AGAP1: variants seen among roughly 807,000 people sequenced by gnomAD.
AGAP1 encodes ArfGAP with GTPase domain, ankyrin repeat and PH domain 1.
AGAP1 carries 29 observed loss-of-function variants against 105.3 expected under a neutral mutation model. That is an observed-to-expected ratio of 0.28 (90% CI 0.21 to 0.38). The LOEUF is 0.38. Among genes scored for constraint, AGAP1 ranks in the 10% least tolerant of loss-of-function variants. AGAP1 has a pLI of 1.00. For missense variants in AGAP1, 998 were observed against 1,165.1 expected (o/e 0.86, Z 2.09); for synonymous variants, 509 against 485.9 (o/e 1.05, Z -0.63).
intron 9 of AGAP1, among the ~76,000 whole-genome samples, chr2:235,832,830 A>T (rs1485529727): frequency 6.6e-6 from 1 of 152,208 alleles, no homozygotes; most frequent in East Asian, 1.9e-4. Context: ...CCCAGATCCC[A>T]TGGATCAATA....
intron 9 of AGAP1, among the ~76,000 whole-genome samples, chr2:235,833,817 A>G (rs1959761968): frequency 6.6e-6 from 1 of 150,542 alleles, no homozygotes; most frequent in Non-Finnish European, 1.5e-5. Context: ...GTTCTATGAA[A>G]TGATCCTAAG....
Position 235,804,145 on chromosome 2 carries a change from C to G in AGAP1, c.958-3094C>G, listed in dbSNP as rs540062210. On this transcript the variant is annotated intron_variant, in intron 8 of 17. Transcript: ENST00000304032. Reference sequence around the variant, plus strand: ...CATGTGCCTCCAGAACACGTTTCTCCTGCCTGTCTGCCTAGGGATCAGCAT... The same window carrying G: ...CATGTGCCTCCAGAACACGTTTCTCGTGCCTGTCTGCCTAGGGATCAGCAT... Among the ~76,000 whole-genome samples the G allele has an allele frequency of 6.0e-4, 92 of 152,314 alleles. 1 individual carries two copies. The highest frequency in any genetic ancestry group is 2.1e-3 in the African/African-American group (89 of 41,572).
chr2:235,671,176 T>G, intron 1 of AGAP1: 1 of 1,120,610 alleles, frequency 8.9e-7, no homozygotes, highest in Non-Finnish European at 1.1e-6. Flanking sequence ...CCTCGAGGGA[T>G]GCGAACTCGG....
intron 6 of AGAP1, among the ~76,000 whole-genome samples, chr2:235,770,687 C>T (rs1955374633): frequency 6.7e-6 from 1 of 149,734 alleles, no homozygotes; most frequent in South Asian, 2.1e-4. Flanking sequence ...ATTTAAACTG[C>T]TTAGAAAAGC....
rs1049825901 is a variant in AGAP1, at chr2:235,877,556, T to G, written c.1051-5789T>G. On this transcript the variant is annotated intron_variant, in intron 9 of 17. Coordinates refer to ENST00000304032, the MANE Select transcript of AGAP1 (RefSeq NM_001037131.3). This position sits in a 1 kb window ranked among gnomAD's most constrained non-coding sequence, Gnocchi z 4.3. The stretch of plus-strand genomic sequence containing the variant: ...TTAACTTGTTCTCAGAGTGAGTGAT[T>G]TACATGTTGCGTCTCCCTCAGCGCT... 6.6e-6 allele frequency among the ~76,000 whole-genome samples: 1 copy of G among 152,090 alleles called. No individual in the cohort carries two copies. The highest frequency in any genetic ancestry group is 1.9e-4 in the East Asian group (1 of 5,176).
At chr2:236,063,520 C>A (rs2058263697) in intron 16 of AGAP1, among the ~76,000 whole-genome samples, 1 of 152,186 alleles carries the variant, frequency 6.6e-6, no homozygotes, top group Admixed American at 6.5e-5. Flanking sequence ...AAAGGTAATT[C>A]CAGTTGTAAA....
intron 12 of AGAP1, among the ~76,000 whole-genome samples, chr2:235,935,052 T>C (rs1169398703): frequency 1.3e-5 from 2 of 152,098 alleles, no homozygotes; most frequent in African/African-American, 4.8e-5. Context: ...AAACAGGAGG[T>C]GCTGCTTAAA....
At chr2:235,924,455 T>C (rs568664682) in intron 11 of AGAP1, among the ~76,000 whole-genome samples, 2 of 152,300 alleles carry the variant, frequency 1.3e-5, no homozygotes, top group Admixed American at 1.3e-4. Flanking sequence ...CCCAATGCAG[T>C]AGGGGCTCAG....
At chr2:235,534,333 C>G (rs1453241275) in intron 1 of AGAP1, among the ~76,000 whole-genome samples, 1 of 152,090 alleles carries the variant, frequency 6.6e-6, no homozygotes, top group Admixed American at 6.5e-5. Flanking sequence ...AATAAGAGGT[C>G]GCTGCTGTGA....
rs76463818 is a variant in AGAP1 at position 235,666,091 on chromosome 2, C to T, written c.164-43088C>T. ...ATGAATGGGGGTTAGCTAGGGCTGG[C>T]ACCTTTCCTGAACTCTCCTCTGCAG... On this transcript the variant is annotated intron_variant, in intron 1 of 17. Coordinates refer to ENST00000304032, the MANE Select transcript of AGAP1 (RefSeq NM_001037131.3). Among the ~76,000 whole-genome samples the T allele has an allele frequency of 6.2e-3, 944 of 152,220 alleles. 22 individuals are homozygous for T. Among genetic ancestry groups the T allele is most frequent in the Admixed American group, 0.047 (715 of 15,294 alleles).
chr2:235,828,180 T>C (rs1255329789), intron 9 of AGAP1, among the ~76,000 whole-genome samples: 1 of 152,158 alleles, frequency 6.6e-6, no homozygotes, highest in Admixed American at 6.5e-5. Context: ...GCTACAGGAA[T>C]TGATGGAAGA....
intron 6 of AGAP1, among the ~76,000 whole-genome samples, chr2:235,781,017 A>G (rs1396901979): frequency 6.6e-6 from 1 of 152,232 alleles, no homozygotes; most frequent in Non-Finnish European, 1.5e-5. Flanking sequence ...TATTTAAGAC[A>G]TTTTAAAAAA....
At chr2:235,899,543 G>T (rs987837919) in intron 10 of AGAP1, among the ~76,000 whole-genome samples, 1 of 152,132 alleles carries the variant, frequency 6.6e-6, no homozygotes, top group South Asian at 2.1e-4. Flanking sequence ...TTGTTTTAGC[G>T]CTGCACATTT....
chr2:236,078,405 G>A lies in AGAP1; in HGVS notation c.2114+29124G>A, dbSNP rs750754129. ...GTGACATCTACAAAAGGCCTTCACA[G>A]CAATGCATAGGTTGTGTGTGATGAA... On this transcript the variant is annotated intron_variant, in intron 16 of 17. Transcript: ENST00000304032. The surrounding 1 kb of genome is among the most constrained non-coding windows in gnomAD (Gnocchi z 5.3). 2.5e-4 allele frequency among the ~76,000 whole-genome samples: 38 copies of A among 152,224 alleles called. No homozygotes were observed. Among genetic ancestry groups the A allele is most frequent in the African/African-American group, 1.9e-4 (8 of 41,544 alleles).
intron 1 of AGAP1, among the ~76,000 whole-genome samples, chr2:235,661,020 A>T (rs1002719144): frequency 6.6e-6 from 1 of 152,032 alleles, no homozygotes; most frequent in African/African-American, 2.4e-5. Flanking sequence ...GGTGACAGGG[A>T]CTCACTGAGG....
rs146804230 is a variant in AGAP1, at chr2:235,811,881, C to T, written c.1050+4550C>T. Among the ~76,000 whole-genome samples, 431 of 152,340 alleles carry T rather than the reference C, an allele frequency of 2.8e-3. 2 individuals are homozygous for T. Among genetic ancestry groups the T allele is most frequent in the East Asian group, 0.02 (102 of 5,170 alleles). On this transcript the variant is annotated intron_variant, in intron 9 of 17. Transcript: ENST00000304032. ...TTCAGAAGTTTTGTGTTTATTTGATCACCTGGCTGATGTTTTGAGAGAACC... is the reference window on the plus strand; with the variant it reads ...TTCAGAAGTTTTGTGTTTATTTGATTACCTGGCTGATGTTTTGAGAGAACC...
chr2:235,972,709 C>G (rs1436498744), intron 13 of AGAP1, among the ~76,000 whole-genome samples: 1 of 152,184 alleles, frequency 6.6e-6, no homozygotes, highest in South Asian at 2.1e-4. Flanking sequence ...GCCAGTCACA[C>G]AGTTGGCTCC....
rs1172541406 is a variant in AGAP1, at chr2:236,096,129, C to G, written c.2115-24063C>G. 6.6e-6 allele frequency among the ~76,000 whole-genome samples: 1 copy of G among 152,186 alleles called. No individual in the cohort carries two copies. The highest frequency in any genetic ancestry group is 1.5e-5 in the Non-Finnish European group (1 of 68,036). On this transcript the variant is annotated intron_variant, in intron 16 of 17. Coordinates refer to ENST00000304032, the MANE Select transcript of AGAP1 (RefSeq NM_001037131.3). The surrounding 1 kb of genome is among the most constrained non-coding windows in gnomAD (Gnocchi z 4.4). The stretch of plus-strand genomic sequence containing the variant: ...CGCAGTACTATGTATCTTACCCTAC[C>G]ATGTGCATAGCTGTTTTTCATCCAG...
Position 235,967,218 on chromosome 2 carries a change from G to A in AGAP1, c.1484-1244G>A, listed in dbSNP as rs904889909. Among the ~76,000 whole-genome samples the A allele has an allele frequency of 6.6e-6, 1 of 152,096 alleles. No individual in the cohort carries two copies. Among genetic ancestry groups the A allele is most frequent in the African/African-American group, 2.4e-5 (1 of 41,402 alleles). On this transcript the variant is annotated intron_variant, in intron 12 of 17. Transcript: ENST00000304032. This position sits in a 1 kb window ranked among gnomAD's most constrained non-coding sequence, Gnocchi z 4.7. Reference sequence around the variant, plus strand: ...CCCTCCTTGGAGCCAGGCTCTGACTGTTTCTCTGCTCTCATTACCTTCTCA... The same window carrying A: ...CCCTCCTTGGAGCCAGGCTCTGACTATTTCTCTGCTCTCATTACCTTCTCA...
Sources: allele counts gnomAD v4.1 joint callset (sites outside exome capture counted in the v4.1 genomes callset), GRCh38; gene constraint gnomAD v4.1.1; non-coding constraint Gnocchi (gnomAD v3.1); transcripts MANE v1.5; gene names NCBI Gene and HGNC (gene_info 2026-07-23, HGNC 2026-07-21).